The following SLC6A5 variants were observed in gnomAD, a reference collection of about 807,000 sequenced individuals.
SLC6A5 encodes sodium- and chloride-dependent glycine transporter 2.
SLC6A5 carries 58 observed loss-of-function variants against 90.5 expected under a neutral mutation model. The observed-to-expected ratio is 0.64, with a 90% CI of 0.52 to 0.80. SLC6A5 has a LOEUF of 0.80. Ranked by LOEUF, SLC6A5 falls within the 30% of genes least tolerant of loss-of-function variation. The pLI, the probability that SLC6A5 is intolerant of heterozygous loss-of-function variation, is 0.00. For synonymous variants in SLC6A5, 427 were observed against 401.4 expected, an observed-to-expected ratio of 1.06 and a Z score of -0.76; for missense variants, 1,015 against 1,017.6, an observed-to-expected ratio of 1.00 and a Z score of 0.03.
chr11:20,616,639 G>A (rs1340012968), intron 6 of SLC6A5, among the ~76,000 whole-genome samples: 1 of 152,192 alleles, frequency 6.6e-6, no homozygotes, highest in Non-Finnish European at 1.5e-5. Context: ...GGTCCTCAGG[G>A]TTTTGCCGTG....
chr11:20,644,754 T>G (rs536259066), intron 13 of SLC6A5, among the ~76,000 whole-genome samples: 1 of 152,262 alleles, frequency 6.6e-6, no homozygotes, highest in East Asian at 1.9e-4. Context: ...TTCACCCCAA[T>G]GTAACCAGCA....
intron 13 of SLC6A5, among the ~76,000 whole-genome samples, chr11:20,642,947 G>C (rs1440875705): frequency 2.0e-5 from 3 of 152,196 alleles, no homozygotes. Context: ...TCTTCATTAA[G>C]TTGTCTCTTG....
At chr11:20,606,161 G>A (rs1852576753) in intron 3 of SLC6A5, among the ~76,000 whole-genome samples, 2 of 152,222 alleles carry the variant, frequency 1.3e-5, no homozygotes, top group East Asian at 3.8e-4. Flanking sequence ...CAACCTCAAA[G>A]AATGCTGAAG....
Position 20,601,146 on chromosome 11 carries a change from G to A in SLC6A5, c.21G>A (p.Lys7=), listed in dbSNP as rs984820371. ...GTTTGCAGGATTGCAGTGCTCCCAAGGAAATGAATAAACTGCCAGCCAACA... is the reference window on the plus strand; with the variant it reads ...GTTTGCAGGATTGCAGTGCTCCCAAAGAAATGAATAAACTGCCAGCCAACA... MDCSAP[K]EMNKLPANSP... Residue 7 remains lysine, a synonymous_variant, in exon 2 of 16, where the codon AAG becomes AAA. Transcript: ENST00000525748. 6.9e-6 allele frequency: 11 copies of A among 1,591,320 alleles called. No homozygotes were observed. In the African/African-American group the frequency reaches 1.3e-4, roughly 19 times the overall value.
In SLC6A5 at chr11:20,643,860, C is replaced by G. The variant is rs1331703401; in HGVS notation, c.1970-2974C>G. Reference sequence around the variant, plus strand: ...CTGCTGTCAGGGGTCTGGAGACTCGCTGTACATGAGGGGTGGCTGACATTC... The same window carrying G: ...CTGCTGTCAGGGGTCTGGAGACTCGGTGTACATGAGGGGTGGCTGACATTC... On this transcript the variant is annotated intron_variant, in intron 13 of 15. Transcript: ENST00000525748. 3.9e-5 allele frequency among the ~76,000 whole-genome samples: 6 copies of G among 152,246 alleles called. No homozygotes were observed. The East Asian group carries it at 9.7e-4, about 25-fold the overall frequency.
chr11:20,630,960 A>G, intron 10 of SLC6A5, 145 bp downstream of exon 10: 1 of 885,294 alleles, frequency 1.1e-6, no homozygotes, highest in Non-Finnish European at 1.8e-6. Context: ...AGAGGGACCA[A>G]GGCAGGCTCA....
At chr11:20,600,401 A>AGAAGAAGAAGAG (rs1852444700) in intron 1 of SLC6A5, among the ~76,000 whole-genome samples, 1 of 145,724 alleles carries the variant, frequency 6.9e-6, no homozygotes, top group East Asian at 2.0e-4. Flanking sequence ...AAGAAGAAGA[A>AGAAGAAGAAGAG]GAAGAAGAAG....
At chr11:20,644,335 T>G (rs1853369240) in intron 13 of SLC6A5, among the ~76,000 whole-genome samples, 1 of 152,146 alleles carries the variant, frequency 6.6e-6, no homozygotes, top group African/African-American at 2.4e-5. Context: ...GAACATACAG[T>G]GTTTGTCTTT....
chr11:20,645,879 C>T (rs1853404027), intron 13 of SLC6A5, among the ~76,000 whole-genome samples: 1 of 152,136 alleles, frequency 6.6e-6, no homozygotes, highest in African/African-American at 2.4e-5. Flanking sequence ...TCGTGATCCA[C>T]CTGCCTTGGC....
chr11:20,644,375 T>C (rs1323343594), intron 13 of SLC6A5, among the ~76,000 whole-genome samples: 1 of 152,232 alleles, frequency 6.6e-6, no homozygotes, highest in African/African-American at 2.4e-5. Flanking sequence ...CTTCGCATAA[T>C]GTCCTCCAGG....
chr11:20,631,343 T>G lies in SLC6A5; in HGVS notation c.1624+528T>G, dbSNP rs1053827839. Reference sequence around the variant, plus strand: ...TTAGTTAGCAATGCAGACCTGCAGTTTTTTTCCCCAGTGGGTAGAAATGTT... The same window carrying G: ...TTAGTTAGCAATGCAGACCTGCAGTGTTTTTCCCCAGTGGGTAGAAATGTT... On this transcript the variant is annotated intron_variant, in intron 10 of 15. Transcript: ENST00000525748. Among the ~76,000 whole-genome samples, 5 of 152,170 alleles carry G rather than the reference T, an allele frequency of 3.3e-5. 1 individual carries two copies. The highest frequency in any genetic ancestry group is 6.5e-5 in the Admixed American group (1 of 15,274).
chr11:20,607,284 C>T lies in SLC6A5; in HGVS notation c.811+146C>T, dbSNP rs1401403360. ...TTTATTTGATCCTTCTGAATAATGG[C>T]CCAAGATCACCTCTGGCATTGTTGA... On this transcript the variant is annotated intron_variant, in intron 4 of 15. Transcript: ENST00000525748. 1.9e-5 allele frequency: 24 copies of T among 1,292,048 alleles called. No individual in the cohort carries two copies. The South Asian group carries it at 2.2e-4, about 12-fold the overall frequency. The allele number at this position is 1,292,048 out of a possible 1,614,324, so 80.0% of individuals were successfully genotyped here.
At chr11:20,629,638 G>C (rs796714271) in intron 9 of SLC6A5, among the ~76,000 whole-genome samples, 4 of 151,920 alleles carry the variant, frequency 2.6e-5, no homozygotes, top group African/African-American at 9.7e-5. Context: ...TCATTTCTTT[G>C]TGTTGAAAAC....
At chr11:20,651,956 C>A (rs72932993) in intron 14 of SLC6A5, among the ~76,000 whole-genome samples, 1 of 151,880 alleles carries the variant, frequency 6.6e-6, no homozygotes, top group Non-Finnish European at 1.5e-5. Flanking sequence ...TTAAAAACAC[C>A]CACTATCACC....
At chr11:20,630,926 G>T in intron 10 of SLC6A5, 111 bp downstream of exon 10, 1 of 1,260,450 alleles carries the variant, frequency 7.9e-7, no homozygotes, top group Non-Finnish European at 1.1e-6. Flanking sequence ...GATAGAGGGT[G>T]GAGGAGCCCA....
At chr11:20,632,356 C>A (rs892621560) in intron 10 of SLC6A5, among the ~76,000 whole-genome samples, 1 of 152,168 alleles carries the variant, frequency 6.6e-6, no homozygotes, top group African/African-American at 2.4e-5. Context: ...ATTCTGAACT[C>A]TTTTCTGCTC....
chr11:20,640,983 G>C (rs907490980), intron 13 of SLC6A5, among the ~76,000 whole-genome samples: 7 of 152,132 alleles, frequency 4.6e-5, no homozygotes, highest in African/African-American at 1.7e-4. Flanking sequence ...TTGAAATATG[G>C]TAGGGACAAT....
intron 10 of SLC6A5, among the ~76,000 whole-genome samples, chr11:20,631,269 A>G (rs1303228864): frequency 6.6e-6 from 1 of 152,170 alleles, no homozygotes; most frequent in Non-Finnish European, 1.5e-5. Flanking sequence ...TTTTCCTTAC[A>G]AAGCACTTTT....
chr11:20,624,764 G>A (rs897289795), intron 7 of SLC6A5, among the ~76,000 whole-genome samples: 6 of 152,192 alleles, frequency 3.9e-5, no homozygotes, highest in African/African-American at 7.2e-5. Flanking sequence ...CCTCTCAAGT[G>A]TCTTTTAATG....
Sources: gnomAD v4.1 joint callset for allele counts (sites outside exome capture counted in the v4.1 genomes callset) on GRCh38, gnomAD v4.1.1 for gene constraint, MANE v1.5 for transcripts, NCBI Gene and HGNC (gene_info 2026-07-23, HGNC 2026-07-21) for gene names.